Variants in CCDC180 observed in about 807,000 individuals in gnomAD.
The protein encoded by CCDC180 is coiled-coil domain containing 180, also known as coiled-coil domain-containing protein 180.
A neutral mutation model predicts 209.2 loss-of-function variants in CCDC180; 154 were observed. The ratio of observed to expected loss-of-function variants is 0.74; its 90% CI spans 0.65 to 0.84. The LOEUF (loss-of-function observed/expected upper bound fraction) is 0.84, where lower values mean the gene tolerates loss of function less well. Ranked by LOEUF, CCDC180 falls within the 40% of genes least tolerant of loss-of-function variation. The probability of loss-of-function intolerance (pLI) is 0.00; values close to 1 mark genes in which losing one functional copy is unlikely to be tolerated. For missense variants in CCDC180, 1,874 were observed against 1,997.3 expected, an observed-to-expected ratio of 0.94 and a Z score of 1.18; for synonymous variants, 778 against 749.1, an observed-to-expected ratio of 1.04 and a Z score of -0.63.
chr9:97,343,189 T>C (rs1323335471), intron 18 of CCDC180, 151 bp from the exon 19 acceptor site: 1 of 549,948 alleles, frequency 1.8e-6, no homozygotes. Flanking sequence ...TTAAAAGCAC[T>C]GTGTGGGGGG....
chr9:97,309,713 G>A, intron 3 of CCDC180, 109 bp downstream of exon 3: 2 of 871,018 alleles, frequency 2.3e-6, no homozygotes, highest in South Asian at 4.4e-5. Context: ...GAAGTCTCAA[G>A]TACCACCCCT....
At chr9:97,362,162 G>T in intron 27 of CCDC180, 34 bp from the exon 28 acceptor site, 5 of 1,592,868 alleles carry the variant, frequency 3.1e-6, no homozygotes, top group Non-Finnish European at 4.3e-6. Context: ...CATGGTCACC[G>T]GAGAAGAGCT....
At chr9:97,364,289 G>T (rs926953086) in intron 29 of CCDC180, 161 bp downstream of exon 29, 136 of 587,982 alleles carry the variant, frequency 2.3e-4, no homozygotes, top group Non-Finnish European at 3.0e-4. Context: ...GTTTGTCTCA[G>T]CCCATTTCAC....
At chr9:97,358,282 G>A (rs1986141) in intron 25 of CCDC180, among the ~76,000 whole-genome samples, 34,928 of 151,782 alleles carry the variant, frequency 0.23, 4,796 homozygotes, top group Non-Finnish European at 0.31. Context: ...CACCATACCC[G>A]GCTAATTTTT....
At position 97,378,048 on chromosome 9, in the gene CCDC180, C is replaced by G. The variant is rs1181766968; in HGVS notation, c.*1154C>G. On this transcript the variant is annotated 3_prime_UTR_variant, in exon 37 of 37. Coordinates refer to ENST00000529487, the MANE Select transcript of CCDC180 (RefSeq NM_020893.6). ...ATCTACTAAAAATACAAAAAGTTAG[C>G]CAGGCATGGTGGCACACACCTGTAA... The G allele has an allele frequency of 1.3e-5, 2 of 152,054 alleles. No homozygotes were observed. The highest frequency in any genetic ancestry group is 2.9e-5 in the Non-Finnish European group (2 of 68,054). 9.4% of individuals were successfully genotyped at this position (152,054 alleles called of 1,614,324 possible).
chr9:97,368,726 C>T (rs755897647), intron 31 of CCDC180, among the ~76,000 whole-genome samples: 4 of 152,164 alleles, frequency 2.6e-5, no homozygotes, highest in Non-Finnish European at 5.9e-5. Context: ...TGTTCAGAAG[C>T]TTGCTTGTTG....
chr9:97,358,718 C>A (rs1248239625), intron 25 of CCDC180, among the ~76,000 whole-genome samples: 1 of 152,148 alleles, frequency 6.6e-6, no homozygotes, highest in Non-Finnish European at 1.5e-5. Context: ...TCTCCCCTGG[C>A]CTGTCGCCCA....
At chr9:97,317,250 CCTT>C in intron 9 of CCDC180, 22 bp downstream of exon 9, 1 of 1,520,504 alleles carries the variant, frequency 6.6e-7, no homozygotes, top group Non-Finnish European at 8.9e-7. Context: ...CCACACAGCT[CCTT>C]CTCCAGCCCA....
intron 2 of CCDC180, 106 bp downstream of exon 2, chr9:97,308,238 G>T: frequency 9.8e-7 from 1 of 1,015,366 alleles, no homozygotes; most frequent in Non-Finnish European, 1.3e-6. Flanking sequence ...ATAAAACAAG[G>T]GCTTTGAAAT....
At chr9:97,338,336 T>G (rs1485928083) in intron 18 of CCDC180, among the ~76,000 whole-genome samples, 1 of 152,274 alleles carries the variant, frequency 6.6e-6, no homozygotes, top group African/African-American at 2.4e-5. Flanking sequence ...GCTTTAAATG[T>G]GTCCCAGAGA....
At chr9:97,308,238 G>C in intron 2 of CCDC180, 106 bp downstream of exon 2, 1 of 1,015,372 alleles carries the variant, frequency 9.8e-7, no homozygotes, top group Non-Finnish European at 1.3e-6. Flanking sequence ...ATAAAACAAG[G>C]GCTTTGAAAT....
At position 97,308,016 on chromosome 9, in the gene CCDC180, T is replaced by C. The variant is rs1832852351; in HGVS notation, c.-48T>C. ...ATTGAGACACCAAAGCCTAGACGCGTTTCCTGGACGACGGCTTCCCGGCAG... is the reference window on the plus strand; with the variant it reads ...ATTGAGACACCAAAGCCTAGACGCGCTTCCTGGACGACGGCTTCCCGGCAG... On this transcript the variant is annotated 5_prime_UTR_variant, in exon 2 of 37. Transcript: ENST00000529487. 6.2e-7 allele frequency: 1 copy of C among 1,610,102 alleles called. No homozygotes were observed. Among genetic ancestry groups the C allele is most frequent in the Middle Eastern group, 1.7e-4 (1 of 6,036 alleles).
intron 28 of CCDC180, chr9:97,363,719 CT>C: frequency 4.0e-6 from 2 of 496,714 alleles, no homozygotes; most frequent in Non-Finnish European, 8.1e-6. Flanking sequence ...GCAACCCTAC[CT>C]GTGGCTCAAT....
chr9:97,361,801 C>T lies in CCDC180; in HGVS notation c.3559C>T (p.Leu1187=), dbSNP rs1826760579. The T allele has an allele frequency of 6.2e-7, 1 of 1,614,212 alleles. No individual in the cohort carries two copies. Among genetic ancestry groups the T allele is most frequent in the Non-Finnish European group, 8.5e-7 (1 of 1,180,042 alleles). ...SSEALEEEAK[L]DVVTPESFTQ... is the part of the protein sequence containing the mutation. Reference sequence around the variant, plus strand: ...AGAAGCCCTTGAAGAGGAGGCCAAGCTGGACGTGGTCACCCCTGAGTCCTT... The same window carrying T: ...AGAAGCCCTTGAAGAGGAGGCCAAGTTGGACGTGGTCACCCCTGAGTCCTT... Residue 1187 remains leucine, a synonymous_variant, in exon 27 of 37, where the codon CTG becomes TTG. Transcript: ENST00000529487.
Position 97,330,512 on chromosome 9 carries a change from G to C in CCDC180, c.2019G>C (p.Gln673His), listed in dbSNP as rs1825706051. 3 of 1,614,136 alleles carry C rather than the reference G, an allele frequency of 1.9e-6. No homozygotes were observed. Among genetic ancestry groups the C allele is most frequent in the Non-Finnish European group, 1.7e-6 (2 of 1,180,030 alleles). The change falls in exon 18 of 37, where the codon CAG becomes CAC. Residue 673 changes from glutamine to histidine, a missense_variant. Coordinates refer to ENST00000529487, the MANE Select transcript of CCDC180 (RefSeq NM_020893.6). ...TAACTGAAGAGGTGCTGGGGCAGCA[G>C]AAAAAATCTCCACTGCATGCTAAGA... ...SFITEEVLGQ[Q>H]KKSPLHAKMD... is the part of the protein sequence containing the mutation.
At position 97,335,434 on chromosome 9, in the gene CCDC180, T is replaced by C. The variant is rs181924241; in HGVS notation, c.2274+4667T>C. Among the ~76,000 whole-genome samples, 13 of 152,286 alleles carry C rather than the reference T, an allele frequency of 8.5e-5. No homozygotes were observed. The East Asian group carries it at 2.5e-3, about 29-fold the overall frequency. On this transcript the variant is annotated intron_variant, in intron 18 of 36. Coordinates refer to ENST00000529487, the MANE Select transcript of CCDC180 (RefSeq NM_020893.6). ...ATGAGTGAGAACATACAGTGTTTGG[T>C]TTTCTATCCTTGCGATAGTTTGCTC...
rs1392693182 is a variant in CCDC180 at position 97,357,633 on chromosome 9, A to C, written c.3271A>C (p.Lys1091Gln). 6 of 1,611,638 alleles carry C rather than the reference A, an allele frequency of 3.7e-6. No homozygotes were observed. In the South Asian group the frequency reaches 6.7e-5, roughly 18 times the overall value. ...GGAACCTCTGGTTTTCTAGGTGGCA[A>C]AATCCAATTCGCAAACAAATGGATT... ...LQVKIKCQVA[K>Q]SNSQTNGLNF... Residue 1091 changes from lysine to glutamine, a missense_variant, in exon 25 of 37, where the codon AAA (lysine) becomes CAA (glutamine). Lys to Gln is a moderately conservative substitution (Grantham distance 53). Transcript: ENST00000529487.
At position 97,351,967 on chromosome 9, in the gene CCDC180, G is replaced by C. The variant is rs193184587; in HGVS notation, c.3002+1412G>C. Among the ~76,000 whole-genome samples, 6 of 152,186 alleles carry C rather than the reference G, an allele frequency of 3.9e-5. No homozygotes were observed. In the East Asian group the frequency reaches 1.2e-3, roughly 29 times the overall value. ...GTCTCTACTAAAAATACAAAAATTA[G>C]CTGGGCATGGTGGCAGATGCCTGTA... On this transcript the variant is annotated intron_variant, in intron 22 of 36. Transcript: ENST00000529487.
chr9:97,328,149 A>G lies in CCDC180; in HGVS notation c.1788+3A>G, dbSNP rs780814412. The G allele has an allele frequency of 1.1e-5, 18 of 1,613,200 alleles. No homozygotes were observed. Among genetic ancestry groups the G allele is most frequent in the Admixed American group, 3.3e-5 (2 of 59,908 alleles). On this transcript the variant is annotated splice_donor_region_variant and intron_variant, in intron 16 of 36. Coordinates refer to ENST00000529487, the MANE Select transcript of CCDC180 (RefSeq NM_020893.6). ...TTGTGCGTGAAATCTTTGAACAGGT[A>G]TGGAGAGGGTGATGATACACCCAGC...
Sources: allele counts gnomAD v4.1 joint callset (sites outside exome capture counted in the v4.1 genomes callset), GRCh38; gene constraint gnomAD v4.1.1; transcripts MANE v1.5; gene names NCBI Gene and HGNC (gene_info 2026-07-23, HGNC 2026-07-21).